The following F5 variants were observed in gnomAD, a reference collection of about 807,000 sequenced individuals.
The protein encoded by F5 is coagulation factor V.
Under a neutral mutation model 216.4 loss-of-function variants are expected in F5, and 138 were observed. That is an observed-to-expected ratio of 0.64 (90% CI 0.56 to 0.73). F5 has a LOEUF of 0.73. F5 is among the 30% of genes least tolerant of loss of function. F5 has a pLI of 0.00. For synonymous variants in F5, 916 were observed against 930.7 expected, an observed-to-expected ratio of 0.98 and a Z score of 0.29; for missense variants, 2,403 against 2,674.0, an observed-to-expected ratio of 0.90 and a Z score of 2.24.
intron 19 of F5, 146 bp from the exon 20 acceptor site, chr1:169,524,050 C>T: frequency 1.4e-6 from 1 of 705,594 alleles, no homozygotes; most frequent in Non-Finnish European, 2.5e-6. Context: ...GCTACTAGGC[C>T]AGTCCTTGAT....
chr1:169,586,444 G>A lies in F5; in HGVS notation c.-58C>T. ...CCCCAGGACCTGGGCAGCGCTTGCC[G>A]AGCTGCTAACCACACTCCGGGCTGT... On this transcript the variant is annotated 5_prime_UTR_variant, in exon 1 of 25. Coordinates refer to ENST00000367797, the MANE Select transcript of F5 (RefSeq NM_000130.5). The A allele has an allele frequency of 6.3e-7, 1 of 1,578,794 alleles. No homozygotes were observed. The highest frequency in any genetic ancestry group is 1.1e-5 in the South Asian group (1 of 88,312).
chr1:169,541,481 G>T lies in F5; in HGVS notation c.3609C>A (p.Asn1203Lys). The part of the protein sequence containing the change: ...VTLSPELSQT[N>K]LSPDLSHTTL... The stretch of plus-strand genomic sequence containing the variant: ...TCGTGTGGCTGAGGTCTGGAGAGAG[G>T]TTTGTCTGGCTGAGTTCTGGAGAGA... The change falls in exon 13 of 25, where the codon AAC (asparagine) becomes AAA (lysine). Residue 1203 changes from asparagine (N) to lysine (K), a missense_variant. Transcript: ENST00000367797. 6.2e-7 allele frequency: 1 copy of T among 1,614,132 alleles called. No individual in the cohort carries two copies. The highest frequency in any genetic ancestry group is 1.3e-5 in the African/African-American group (1 of 75,032).
Position 169,513,094 on chromosome 1 carries a change from C to A in F5, c.*1219G>T, listed in dbSNP as rs1244178050. Among the ~76,000 whole-genome samples, 2 of 151,320 alleles carry A rather than the reference C, an allele frequency of 1.3e-5. No individual in the cohort carries two copies. Among genetic ancestry groups the A allele is most frequent in the African/African-American group, 4.9e-5 (2 of 41,140 alleles). ...GTGGTTTCGAGTGAGTTTCTTAGTC[C>A]TCAGTTCTAATTTGATTTCTCTGTG... On this transcript the variant is annotated 3_prime_UTR_variant, in exon 25 of 25. Transcript: ENST00000367797.
intron 21 of F5, among the ~76,000 whole-genome samples, chr1:169,522,008 GCAAA>G (rs1337502338): frequency 1.1e-4 from 16 of 151,964 alleles, no homozygotes; most frequent in African/African-American, 3.9e-4. Context: ...GATGAAACAG[GCAAA>G]ATCACTACAA....
intron 2 of F5, among the ~76,000 whole-genome samples, chr1:169,577,089 A>G (rs9332507): frequency 0.03 from 4,575 of 152,102 alleles, 225 homozygotes; most frequent in African/African-American, 0.1. Flanking sequence ...ATGGCCTAAA[A>G]CCCTTCTAAC....
At chr1:169,524,289 G>A (rs1039521644) in intron 19 of F5, among the ~76,000 whole-genome samples, 1 of 152,172 alleles carries the variant, frequency 6.6e-6, no homozygotes, top group African/African-American at 2.4e-5. Flanking sequence ...AAACTTTGGA[G>A]GAGTTCCTCA....
chr1:169,549,154 C>T (rs1262719980), intron 10 of F5, among the ~76,000 whole-genome samples: 2 of 152,074 alleles, frequency 1.3e-5, no homozygotes, highest in East Asian at 1.9e-4. Context: ...TGAGATAAGA[C>T]CTCTTTGGTT....
At chr1:169,515,759 C>G (rs1659143264) in intron 23 of F5, 133 bp from the exon 24 acceptor site, 7 of 825,552 alleles carry the variant, frequency 8.5e-6, no homozygotes, top group South Asian at 4.7e-5. Flanking sequence ...TTCACAGTCT[C>G]CTAGAAGCTT....
At chr1:169,556,303 A>G (rs1022388845) in intron 6 of F5, among the ~76,000 whole-genome samples, 1 of 87,512 alleles carries the variant, frequency 1.1e-5, no homozygotes, top group Non-Finnish European at 2.0e-5. Context: ...GTCTTGTGCT[A>G]GCATCTAGGT....
chr1:169,547,297 C>T (rs923209954), intron 10 of F5, among the ~76,000 whole-genome samples: 13 of 152,126 alleles, frequency 8.5e-5, no homozygotes, highest in African/African-American at 2.2e-4. Context: ...GCTTTCATGA[C>T]GAACATGCCA....
chr1:169,581,692 GTCTCTA>G (rs2101846466), intron 2 of F5, among the ~76,000 whole-genome samples: 1 of 152,236 alleles, frequency 6.6e-6, no homozygotes, highest in South Asian at 2.1e-4. Context: ...TCCCTTGATG[GTCTCTA>G]TCATCCCTGC....
At chr1:169,518,972 T>C (rs1382085141) in intron 22 of F5, among the ~76,000 whole-genome samples, 1 of 152,216 alleles carries the variant, frequency 6.6e-6, no homozygotes, top group Non-Finnish European at 1.5e-5. Context: ...ACTCTGTTTC[T>C]TCTAACAAAA....
At chr1:169,582,198 C>G (rs988235417) in intron 2 of F5, among the ~76,000 whole-genome samples, 1 of 152,074 alleles carries the variant, frequency 6.6e-6, no homozygotes, top group Non-Finnish European at 1.5e-5. Context: ...CCCAAAGGGC[C>G]CCTGGCTTGG....
intron 2 of F5, among the ~76,000 whole-genome samples, chr1:169,580,018 T>C (rs1312493073): frequency 2.0e-5 from 3 of 152,208 alleles, no homozygotes; most frequent in South Asian, 2.1e-4. Context: ...GATCCAGTTA[T>C]GGTTCCACAA....
At position 169,512,291 on chromosome 1, in the gene F5, T is replaced by A. The variant is rs930065447; in HGVS notation, c.*2022A>T. ...TAGAGAATAACGAAGCTGGATCTCA[T>A]GCTCCATTCCCATCTCTTCCCTACC... On this transcript the variant is annotated 3_prime_UTR_variant, in exon 25 of 25. Coordinates refer to ENST00000367797, the MANE Select transcript of F5 (RefSeq NM_000130.5). Among the ~76,000 whole-genome samples the A allele has an allele frequency of 6.6e-6, 1 of 152,002 alleles. No homozygotes were observed. The highest frequency in any genetic ancestry group is 2.4e-5 in the African/African-American group (1 of 41,404).
chr1:169,570,735 A>ATT (rs544631479), intron 3 of F5, among the ~76,000 whole-genome samples: 169 of 152,300 alleles, frequency 1.1e-3, no homozygotes, highest in African/African-American at 4.0e-3. Flanking sequence ...AACAAGTTTT[A>ATT]AGATAAATAC....
At chr1:169,582,325 C>A in intron 2 of F5, 106 bp downstream of exon 2, 1 of 611,512 alleles carries the variant, frequency 1.6e-6, no homozygotes, top group Non-Finnish European at 2.8e-6. Context: ...AAAAAAACCA[C>A]ACGTTTCTAT....
intron 16 of F5, 112 bp from the exon 17 acceptor site, chr1:169,528,206 T>C (rs1659504540): frequency 7.5e-7 from 1 of 1,337,592 alleles, no homozygotes; most frequent in African/African-American, 1.4e-5. Flanking sequence ...TGATTCTGCA[T>C]TCCCAGGCCT....
intron 13 of F5, among the ~76,000 whole-genome samples, chr1:169,539,415 A>G (rs1404562007): frequency 6.6e-6 from 1 of 152,174 alleles, no homozygotes; most frequent in Non-Finnish European, 1.5e-5. Context: ...CACTCTGGAC[A>G]GGCCCTGCAT....
Sources: gnomAD v4.1 joint callset for allele counts (sites outside exome capture counted in the v4.1 genomes callset) on GRCh38, gnomAD v4.1.1 for gene constraint, MANE v1.5 for transcripts, NCBI Gene and HGNC (gene_info 2026-07-23, HGNC 2026-07-21) for gene names.